LRMDA: variants seen among roughly 807,000 people sequenced by gnomAD.
LRMDA encodes the protein leucine-rich melanocyte differentiation-associated protein.
LRMDA carries 18 observed loss-of-function variants against 29.8 expected under a neutral mutation model. The observed-to-expected ratio is 0.60, with a 90% CI of 0.42 to 0.90. The LOEUF is 0.90. LRMDA is among the 40% of genes least tolerant of loss of function. The pLI, the probability that LRMDA is intolerant of heterozygous loss-of-function variation, is 0.00. For synonymous variants in LRMDA, 125 were observed against 109.4 expected (o/e 1.14, Z -0.89); for missense variants, 273 against 273.9 (o/e 1.00, Z 0.02).
At position 75,957,268 on chromosome 10, in the gene LRMDA, C is replaced by T. The variant is rs537130006; in HGVS notation, c.132-78740C>T. Among the ~76,000 whole-genome samples the T allele has an allele frequency of 3.3e-5, 5 of 152,342 alleles. No individual in the cohort carries two copies. The East Asian group carries it at 7.7e-4, about 23-fold the overall frequency. On this transcript the variant is annotated intron_variant, in intron 2 of 6. Coordinates refer to ENST00000611255, the MANE Select transcript of LRMDA (RefSeq NM_001305581.2). ...CAACCTGTAAGAGGATGCTTGGCTTCATCTGCCATGTGGTCTTTGAACCCA... is the reference window on the plus strand; with the variant it reads ...CAACCTGTAAGAGGATGCTTGGCTTTATCTGCCATGTGGTCTTTGAACCCA...
chr10:75,564,545 C>T (rs1840345448), intron 2 of LRMDA, among the ~76,000 whole-genome samples: 1 of 152,244 alleles, frequency 6.6e-6, no homozygotes, highest in South Asian at 2.1e-4. Context: ...ACCCACTGTC[C>T]TGCACCCACT....
At chr10:75,714,152 A>C (rs1182665662) in intron 2 of LRMDA, among the ~76,000 whole-genome samples, 1 of 152,218 alleles carries the variant, frequency 6.6e-6, no homozygotes, top group Non-Finnish European at 1.5e-5. Context: ...TCTTGGGAGA[A>C]GGGCTGTGGA....
At chr10:76,078,790 C>T (rs1453066563) in intron 5 of LRMDA, among the ~76,000 whole-genome samples, 2 of 152,212 alleles carry the variant, frequency 1.3e-5, no homozygotes, top group Admixed American at 6.5e-5. Flanking sequence ...GAGCTGAGAT[C>T]GCGCCATGCA....
chr10:75,896,203 G>A (rs1415120915), intron 2 of LRMDA, among the ~76,000 whole-genome samples: 3 of 152,160 alleles, frequency 2.0e-5, no homozygotes, highest in Non-Finnish European at 4.4e-5. Context: ...TTTGGTGTTA[G>A]TGGGTGCAAC....
chr10:75,827,622 A>C (rs1324179882), intron 2 of LRMDA, among the ~76,000 whole-genome samples: 1 of 152,252 alleles, frequency 6.6e-6, no homozygotes, highest in Non-Finnish European at 1.5e-5. Flanking sequence ...ACTTTGAGGC[A>C]CTGCTGTAAA....
intron 6 of LRMDA, among the ~76,000 whole-genome samples, chr10:76,471,634 A>G (rs1309649939): frequency 2.6e-5 from 4 of 151,724 alleles, no homozygotes; most frequent in African/African-American, 7.2e-5. Context: ...GATTTTCAGA[A>G]TGGATAAAAA....
intron 6 of LRMDA, among the ~76,000 whole-genome samples, chr10:76,429,775 G>T (rs1050022176): frequency 6.6e-6 from 1 of 152,114 alleles, no homozygotes; most frequent in Non-Finnish European, 1.5e-5. Flanking sequence ...CAGCCATGGG[G>T]GCCTGGGCAG....
intron 2 of LRMDA, among the ~76,000 whole-genome samples, chr10:75,751,961 C>T (rs1842974405): frequency 6.6e-6 from 1 of 151,910 alleles, no homozygotes; most frequent in Non-Finnish European, 1.5e-5. Context: ...TCTTTCAATC[C>T]TTTAGTTTAA....
intron 5 of LRMDA, among the ~76,000 whole-genome samples, chr10:76,122,360 G>A (rs954019233): frequency 1.3e-5 from 2 of 151,814 alleles, no homozygotes; most frequent in Non-Finnish European, 2.9e-5. Context: ...GCACCTTCAG[G>A]TGTTTTCCTT....
At chr10:75,597,942 C>T (rs565453824) in intron 2 of LRMDA, among the ~76,000 whole-genome samples, 84 of 152,010 alleles carry the variant, frequency 5.5e-4, no homozygotes, top group Admixed American at 4.6e-3. Flanking sequence ...TGCGAGGGGA[C>T]GCCTGAGGGG....
chr10:75,610,171 A>C (rs1478496568), intron 2 of LRMDA, among the ~76,000 whole-genome samples: 1 of 152,230 alleles, frequency 6.6e-6, no homozygotes, highest in Non-Finnish European at 1.5e-5. Context: ...GCCATGATTC[A>C]GTGGCATTTA....
intron 2 of LRMDA, among the ~76,000 whole-genome samples, chr10:75,971,615 G>A (rs1464250432): frequency 6.6e-6 from 1 of 152,074 alleles, no homozygotes; most frequent in Non-Finnish European, 1.5e-5. Flanking sequence ...GCAAGGATGG[G>A]GTTTCTTATT....
intron 2 of LRMDA, among the ~76,000 whole-genome samples, chr10:75,676,354 A>G (rs1321852690): frequency 3.3e-5 from 5 of 152,230 alleles, no homozygotes; most frequent in Admixed American, 6.5e-5. Context: ...GTCTTAAACT[A>G]AACGATAGTT....
intron 2 of LRMDA, among the ~76,000 whole-genome samples, chr10:75,729,469 G>T (rs537207029): frequency 6.6e-6 from 1 of 152,210 alleles, no homozygotes; most frequent in Admixed American, 6.5e-5. Context: ...CCTAGCAGGG[G>T]GCATCCTGAG....
chr10:75,710,539 G>A (rs1013691898), intron 2 of LRMDA, among the ~76,000 whole-genome samples: 1 of 152,218 alleles, frequency 6.6e-6, no homozygotes, highest in African/African-American at 2.4e-5. Flanking sequence ...TTTTGTTGCT[G>A]TCTAATTAGA....
chr10:75,920,842 C>T (rs1361976432), intron 2 of LRMDA, among the ~76,000 whole-genome samples: 3 of 152,164 alleles, frequency 2.0e-5, no homozygotes, highest in African/African-American at 7.2e-5. Flanking sequence ...TCTTTATGTG[C>T]ATAGCTTCGC....
intron 5 of LRMDA, among the ~76,000 whole-genome samples, chr10:76,235,242 C>G (rs1852130490): frequency 6.6e-6 from 1 of 152,082 alleles, no homozygotes; most frequent in Admixed American, 6.6e-5. Context: ...ACACACAACA[C>G]TTATTAAGCT....
chr10:76,498,640 C>G (rs1441598357), intron 6 of LRMDA, among the ~76,000 whole-genome samples: 1 of 76,436 alleles, frequency 1.3e-5, no homozygotes, highest in African/African-American at 3.2e-5. Flanking sequence ...AAGGGCTGAA[C>G]AAGGATGCAT....
intron 5 of LRMDA, among the ~76,000 whole-genome samples, chr10:76,177,189 C>A (rs1449704038): frequency 6.6e-6 from 1 of 152,218 alleles, no homozygotes; most frequent in Non-Finnish European, 1.5e-5. Context: ...AGAAGAATTT[C>A]TCTACCTGCC....
Sources: gnomAD v4.1 joint callset for allele counts (sites outside exome capture counted in the v4.1 genomes callset) on GRCh38, gnomAD v4.1.1 for gene constraint, MANE v1.5 for transcripts, NCBI Gene and HGNC (gene_info 2026-07-23, HGNC 2026-07-21) for gene names.